GRM7: variants seen among roughly 807,000 people sequenced by gnomAD.
GRM7 encodes metabotropic glutamate receptor 7.
Under a neutral mutation model 84.5 loss-of-function variants are expected in GRM7, and 35 were observed. The ratio of observed to expected loss-of-function variants is 0.41; its 90% CI spans 0.32 to 0.55. The LOEUF (loss-of-function observed/expected upper bound fraction) is 0.55, where lower values mean the gene tolerates loss of function less well. Among genes scored for constraint, GRM7 ranks in the 20% least tolerant of loss-of-function variants. GRM7 has a pLI of 0.19. For synonymous variants in GRM7, 487 were observed against 455.1 expected (o/e 1.07, Z -0.89); for missense variants, 1,003 against 1,194.6 (o/e 0.84, Z 2.36).
intron 1 of GRM7, among the ~76,000 whole-genome samples, chr3:7,119,104 T>C (rs550499329): frequency 6.6e-6 from 1 of 152,288 alleles, no homozygotes; most frequent in South Asian, 2.1e-4. Context: ...CCTTTATACA[T>C]TTTACCCCTT....
chr3:6,866,980 A>T (rs577597876), intron 1 of GRM7, among the ~76,000 whole-genome samples: 1 of 152,286 alleles, frequency 6.6e-6, no homozygotes, highest in Non-Finnish European at 1.5e-5. Context: ...TGGCCATCCA[A>T]CACAAGGAGA....
intron 4 of GRM7, among the ~76,000 whole-genome samples, chr3:7,409,740 A>C (rs1695841734): frequency 6.6e-6 from 1 of 152,074 alleles, no homozygotes; most frequent in African/African-American, 2.4e-5. Context: ...AGCTGGGACT[A>C]CAGGCACATG....
At chr3:7,659,678 A>C (rs995918181) in intron 8 of GRM7, among the ~76,000 whole-genome samples, 36 of 152,238 alleles carry the variant, frequency 2.4e-4, no homozygotes, top group Non-Finnish European at 3.7e-4. Context: ...AGATTGGTTC[A>C]TAGCTTATAA....
chr3:7,548,646 A>G (rs1380280248), intron 7 of GRM7, among the ~76,000 whole-genome samples: 2 of 152,134 alleles, frequency 1.3e-5, no homozygotes, highest in Non-Finnish European at 2.9e-5. Context: ...CCATCTAAAG[A>G]TGTTTTTGGT....
At chr3:7,443,636 G>A (rs774303271) in intron 5 of GRM7, among the ~76,000 whole-genome samples, 6 of 152,176 alleles carry the variant, frequency 3.9e-5, no homozygotes, top group South Asian at 2.1e-4. Context: ...TAGATCCAGA[G>A]CTTGATCAGG....
At chr3:7,267,312 A>G (rs774255109) in intron 2 of GRM7, among the ~76,000 whole-genome samples, 3 of 152,250 alleles carry the variant, frequency 2.0e-5, no homozygotes, top group Admixed American at 6.5e-5. Flanking sequence ...AGGATCTCCA[A>G]TAACAAAAAG....
intron 1 of GRM7, among the ~76,000 whole-genome samples, chr3:6,995,078 A>G (rs1479871820): frequency 1.3e-5 from 2 of 152,206 alleles, no homozygotes; most frequent in Non-Finnish European, 2.9e-5. Context: ...TCATTGGTAA[A>G]TGCTTGTTGG....
chr3:7,547,254 T>G (rs562855671), intron 7 of GRM7, among the ~76,000 whole-genome samples: 3 of 133,610 alleles, frequency 2.2e-5, no homozygotes, highest in Non-Finnish European at 4.6e-5. Context: ...TCGCCCAGGC[T>G]GGAGTGCAGT....
At chr3:6,984,376 T>C (rs1694320866) in intron 1 of GRM7, among the ~76,000 whole-genome samples, 1 of 152,218 alleles carries the variant, frequency 6.6e-6, no homozygotes, top group South Asian at 2.1e-4. Context: ...CAACTGCTGT[T>C]TAAACTCTTT....
chr3:7,284,700 G>A (rs1037343452), intron 2 of GRM7, among the ~76,000 whole-genome samples: 1 of 151,896 alleles, frequency 6.6e-6, no homozygotes, highest in African/African-American at 2.4e-5. Flanking sequence ...TTTATCTACT[G>A]CTTGGTCTTG....
intron 8 of GRM7, among the ~76,000 whole-genome samples, chr3:7,581,896 G>A (rs748084225): frequency 6.6e-6 from 1 of 151,266 alleles, no homozygotes; most frequent in Admixed American, 6.6e-5. Flanking sequence ...CATGAAGTTT[G>A]TTTTTGCTTT....
chr3:6,864,349 C>A (rs1694869472), intron 1 of GRM7, among the ~76,000 whole-genome samples: 1 of 152,180 alleles, frequency 6.6e-6, no homozygotes, highest in Non-Finnish European at 1.5e-5. Context: ...CATATACCAA[C>A]AATCTCTTCC....
At position 7,246,172 on chromosome 3, in the gene GRM7, T is replaced by C. The variant is rs547764795; in HGVS notation, c.737-52512T>C. Among the ~76,000 whole-genome samples, 20 of 152,162 alleles carry C rather than the reference T, an allele frequency of 1.3e-4. No individual in the cohort carries two copies. The South Asian group carries it at 3.7e-3, about 28-fold the overall frequency. ...GATTACAATGGAACTTTGGTAGAAG[T>C]CACAATTACTAGGTTTTTACAATCC... On this transcript the variant is annotated intron_variant, in intron 2 of 9. Coordinates refer to ENST00000357716, the MANE Select transcript of GRM7 (RefSeq NM_000844.4).
chr3:7,301,155 C>A (rs981686927), intron 3 of GRM7, among the ~76,000 whole-genome samples: 1 of 117,452 alleles, frequency 8.5e-6, no homozygotes, highest in Non-Finnish European at 2.2e-5. Flanking sequence ...ATGGTCTTTG[C>A]TCACGATGTT....
chr3:7,388,006 T>A (rs1432977332), intron 4 of GRM7, among the ~76,000 whole-genome samples: 1 of 152,176 alleles, frequency 6.6e-6, no homozygotes, highest in Non-Finnish European at 1.5e-5. Context: ...ATCTTTTATC[T>A]CCTTTCTTAG....
At chr3:7,075,933 T>C (rs1239871140) in intron 1 of GRM7, among the ~76,000 whole-genome samples, 2 of 145,524 alleles carry the variant, frequency 1.4e-5, no homozygotes, top group African/African-American at 5.6e-5. Context: ...AAACTGACTT[T>C]TAATTTTTTT....
chr3:7,061,205 T>C (rs1697424424), intron 1 of GRM7, among the ~76,000 whole-genome samples: 1 of 151,812 alleles, frequency 6.6e-6, no homozygotes, highest in East Asian at 1.9e-4. Flanking sequence ...TGGGTGACTT[T>C]GTTTTATATT....
intron 4 of GRM7, among the ~76,000 whole-genome samples, chr3:7,370,706 C>T (rs898355800): frequency 6.6e-6 from 1 of 152,098 alleles, no homozygotes; most frequent in African/African-American, 2.4e-5. Flanking sequence ...AAACGACTCC[C>T]CTCCTTCCCT....
chr3:7,517,330 G>C (rs1277873994), intron 7 of GRM7, among the ~76,000 whole-genome samples: 1 of 151,124 alleles, frequency 6.6e-6, no homozygotes, highest in Non-Finnish European at 1.5e-5. Context: ...AAACAAATGT[G>C]TGATATTATT....
Sources: allele counts gnomAD v4.1 joint callset (sites outside exome capture counted in the v4.1 genomes callset), GRCh38; gene constraint gnomAD v4.1.1; transcripts MANE v1.5; gene names NCBI Gene and HGNC (gene_info 2026-07-23, HGNC 2026-07-21).